Variants in GRIN2B observed in about 807,000 individuals in gnomAD.
GRIN2B encodes glutamate receptor ionotropic, NMDA 2B.
A neutral mutation model predicts 114.5 loss-of-function variants in GRIN2B; 5 were observed. That is an observed-to-expected ratio of 0.04 (90% CI 0.02 to 0.09). GRIN2B has a LOEUF of 0.09. Among genes scored for constraint, GRIN2B ranks in the 10% least tolerant of loss-of-function variants. The pLI, the probability that GRIN2B is intolerant of heterozygous loss-of-function variation, is 1.00. For synonymous variants in GRIN2B, 787 were observed against 745.1 expected (o/e 1.06, Z -0.92); for missense variants, 1,108 against 1,943.5 (o/e 0.57, Z 8.08).
At chr12:13,629,128 C>A (rs1164846360) in intron 5 of GRIN2B, among the ~76,000 whole-genome samples, 1 of 152,318 alleles carries the variant, frequency 6.6e-6, no homozygotes, top group East Asian at 1.9e-4. Context: ...TCACACCTCA[C>A]CAGGGCCATC....
rs1040297877 is a variant in GRIN2B, at chr12:13,551,910, A to G, written c.*10873T>C. 1.3e-5 allele frequency: 2 copies of G among 152,226 alleles called. No homozygotes were observed. Among genetic ancestry groups the G allele is most frequent in the Non-Finnish European group, 2.9e-5 (2 of 68,026 alleles). The allele number at this position is 152,226 out of a possible 1,614,324, so 9.4% of individuals were successfully genotyped here. ...CAATTAAAATGTGACAATGACAGTT[A>G]ACTGCAAGACTGTTCTGAATAGGGC... On this transcript the variant is annotated 3_prime_UTR_variant, in exon 14 of 14. Transcript: ENST00000609686.
intron 2 of GRIN2B, among the ~76,000 whole-genome samples, chr12:13,885,156 T>C (rs573460767): frequency 6.6e-6 from 1 of 152,294 alleles, no homozygotes; most frequent in African/African-American, 2.4e-5. Flanking sequence ...TGCAAAAGTG[T>C]TCCCTACACC....
intron 4 of GRIN2B, among the ~76,000 whole-genome samples, chr12:13,752,118 G>C (rs1455609135): frequency 6.6e-6 from 1 of 152,146 alleles, no homozygotes; most frequent in Admixed American, 6.5e-5. Context: ...CTGCAGTCCA[G>C]CTCCCTGCTA....
intron 10 of GRIN2B, among the ~76,000 whole-genome samples, chr12:13,587,051 C>T (rs977151486): frequency 6.6e-6 from 1 of 152,144 alleles, no homozygotes; most frequent in African/African-American, 2.4e-5. Context: ...ATTGAGTTTA[C>T]AGTCTAGTAT....
intron 3 of GRIN2B, among the ~76,000 whole-genome samples, chr12:13,843,030 T>G (rs940358340): frequency 1.4e-4 from 4 of 27,950 alleles, no homozygotes; most frequent in Non-Finnish European, 3.2e-4. Flanking sequence ...TTTTTTATTA[T>G]TTATTTATTT....
intron 10 of GRIN2B, among the ~76,000 whole-genome samples, chr12:13,576,654 G>A (rs78068825): frequency 0.046 from 7,064 of 151,994 alleles, 196 homozygotes; most frequent in African/African-American, 0.069. Context: ...CCAGGCTCAG[G>A]TGATCCTCCC....
intron 3 of GRIN2B, among the ~76,000 whole-genome samples, chr12:13,864,711 C>G (rs1233069263): frequency 6.6e-6 from 1 of 152,056 alleles, no homozygotes; most frequent in East Asian, 1.9e-4. Flanking sequence ...GGGAATAAGC[C>G]CCAGTGTCAA....
At chr12:13,578,123 T>C (rs1271842932) in intron 10 of GRIN2B, among the ~76,000 whole-genome samples, 1 of 152,154 alleles carries the variant, frequency 6.6e-6, no homozygotes, top group Non-Finnish European at 1.5e-5. Flanking sequence ...TATCTCCATG[T>C]TGTAAAAGTT....
At chr12:13,829,202 G>T (rs140947392) in intron 3 of GRIN2B, among the ~76,000 whole-genome samples, 2 of 152,226 alleles carry the variant, frequency 1.3e-5, no homozygotes, top group East Asian at 3.9e-4. Flanking sequence ...TTCATTAAAA[G>T]ATCCCATTTT....
At chr12:13,581,901 CTT>C (rs1332689515) in intron 10 of GRIN2B, among the ~76,000 whole-genome samples, 1 of 103,556 alleles carries the variant, frequency 9.7e-6, no homozygotes, top group Non-Finnish European at 1.8e-5. Context: ...CAGAGTGAGA[CTT>C]TGTCTCAAAA....
In GRIN2B at chr12:13,556,458, T is replaced by C. The variant is rs1203940114; in HGVS notation, c.*6325A>G. ...GACATAGTACGTGCACAATAGACGT[T>C]GGTTTAATTAAACTCACATATTTAA... On this transcript the variant is annotated 3_prime_UTR_variant, in exon 14 of 14. Coordinates refer to ENST00000609686, the MANE Select transcript of GRIN2B (RefSeq NM_000834.5). 3 of 152,194 alleles carry C rather than the reference T, an allele frequency of 2.0e-5. No homozygotes were observed. The highest frequency in any genetic ancestry group is 6.5e-5 in the Admixed American group (1 of 15,274). The allele number at this position is 152,194 out of a possible 1,614,324, so 9.4% of individuals were successfully genotyped here.
At chr12:13,570,070 A>C (rs1211481174) in intron 11 of GRIN2B, 53 bp from the exon 12 acceptor site, 2 of 1,197,920 alleles carry the variant, frequency 1.7e-6, no homozygotes, top group East Asian at 4.7e-5. Context: ...GAACAAAACT[A>C]CCTGTGGGGC....
Position 13,971,318 on chromosome 12 carries a change from C to T in GRIN2B, c.-19+8610G>A, listed in dbSNP as rs1862907863. On this transcript the variant is annotated intron_variant, in intron 2 of 13. Transcript: ENST00000609686. ...GTTTGTCTTTTTAAAGACACGGATT[C>T]ATAAATCTGGGTTTTTTCTTGCCTC... Among the ~76,000 whole-genome samples, 7 of 152,258 alleles carry T rather than the reference C, an allele frequency of 4.6e-5. No individual in the cohort carries two copies. In the South Asian group the frequency reaches 1.0e-3, roughly 23 times the overall value.
At chr12:13,584,739 A>G (rs1948896360) in intron 10 of GRIN2B, among the ~76,000 whole-genome samples, 1 of 152,250 alleles carries the variant, frequency 6.6e-6, no homozygotes, top group Non-Finnish European at 1.5e-5. Context: ...TTTGGCACCA[A>G]AAATGTGACA....
chr12:13,818,346 A>G (rs6488621), intron 3 of GRIN2B, among the ~76,000 whole-genome samples: 5,961 of 152,302 alleles, frequency 0.039, 316 homozygotes, highest in African/African-American at 0.12. Flanking sequence ...TGCCACAGGC[A>G]TATTTCTGGG....
rs1866544651 is a variant in GRIN2B, at chr12:13,906,837, A to G, written c.-18-40611T>C. On this transcript the variant is annotated intron_variant, in intron 2 of 13. Coordinates refer to ENST00000609686, the MANE Select transcript of GRIN2B (RefSeq NM_000834.5). The stretch of plus-strand genomic sequence containing the variant: ...ATTTGAAATTTTAGTATTTAATATA[A>G]TGTAATTTATAAAAATTCACATTTT... Among the ~76,000 whole-genome samples, 9 of 152,300 alleles carry G rather than the reference A, an allele frequency of 5.9e-5. No homozygotes were observed. The South Asian group carries it at 1.9e-3, about 32-fold the overall frequency.
At position 13,563,576 on chromosome 12, in the gene GRIN2B, T is replaced by C. The variant is rs1948582747; in HGVS notation, c.3662A>G (p.Lys1221Arg). 6.2e-7 allele frequency: 1 copy of C among 1,614,000 alleles called. No individual in the cohort carries two copies. Among genetic ancestry groups the C allele is most frequent in the East Asian group, 2.2e-5 (1 of 44,874 alleles). Residue 1221 changes from lysine to arginine, a missense_variant, in exon 14 of 14, where the codon AAG becomes AGG. By Grantham distance (26) the Lys-to-Arg change is conservative (BLOSUM62 2). Transcript: ENST00000609686. ...CACCGTCGTGGAGTAGTTGTGCAGC[T>C]TGGAGGGACAGCTGCGGCAGAAGTT... ...GGNFCRSCPS[K>R]LHNYSTTVTG... is the part of the protein sequence containing the mutation.
At chr12:13,873,417 C>T (rs1026207602) in intron 2 of GRIN2B, among the ~76,000 whole-genome samples, 4 of 152,174 alleles carry the variant, frequency 2.6e-5, no homozygotes, top group African/African-American at 9.7e-5. Context: ...TTTAAAAATC[C>T]AATTTCAATC....
rs375404502 is a variant in GRIN2B, at chr12:13,630,015, T to C, written c.1126-13358A>G. Among the ~76,000 whole-genome samples, 8 of 152,342 alleles carry C rather than the reference T, an allele frequency of 5.3e-5. No homozygotes were observed. The East Asian group carries it at 1.5e-3, about 29-fold the overall frequency. ...CTTGCCATGATATCTTATATCTAAC[T>C]GCTTATGTGTCTGGTCTCCTCCAGT... On this transcript the variant is annotated intron_variant, in intron 5 of 13. Transcript: ENST00000609686.
Sources: allele counts gnomAD v4.1 joint callset (sites outside exome capture counted in the v4.1 genomes callset), GRCh38; gene constraint gnomAD v4.1.1; transcripts MANE v1.5; gene names NCBI Gene and HGNC (gene_info 2026-07-23, HGNC 2026-07-21).